WDR97: variants seen among roughly 807,000 people sequenced by gnomAD.
WDR97 encodes WD repeat domain 97.
A neutral mutation model predicts 65.4 loss-of-function variants in WDR97; 111 were observed. That is an observed-to-expected ratio of 1.70 (90% CI 1.45 to 1.99). WDR97 has a LOEUF of 1.99. Among genes scored for constraint, WDR97 ranks in the 30% most tolerant of loss-of-function variants. The pLI is 0.00. For missense variants in WDR97, 1,674 were observed against 865.0 expected (o/e 1.94, Z -11.73); for synonymous variants, 802 against 397.7 (o/e 2.02, Z -12.10).
intron 4 of WDR97, 34 bp downstream of exon 4, chr8:144,109,204 C>G (rs1836487297): frequency 1.4e-6 from 1 of 702,648 alleles, no homozygotes; most frequent in African/African-American, 1.7e-5. Flanking sequence ...GAGCCTCGGC[C>G]CTTTGCCTCC....
Position 144,108,291 on chromosome 8 carries a change from CG to C in WDR97, c.250-22del, listed in dbSNP as rs930735138. 4 of 690,690 alleles carry C rather than the reference CG, an allele frequency of 5.8e-6. No individual in the cohort carries two copies. The African/African-American group carries it at 7.1e-5, about 12-fold the overall frequency. 42.8% of individuals were successfully genotyped at this position (690,690 alleles called of 1,614,324 possible). ...CCGGAGTAGCCCCAACCTTTGATTG[CG>C]GGCCCGCCCACCCCGGCCCACAGGA... is the stretch of plus-strand genomic sequence containing the variant. On this transcript the variant is annotated intron_variant, in intron 2 of 23. Coordinates refer to ENST00000323662, the MANE Select transcript of WDR97 (RefSeq NM_001316309.2).
At chr8:144,113,562 G>A in intron 16 of WDR97, 45 bp downstream of exon 16, 1 of 686,450 alleles carries the variant, frequency 1.5e-6, no homozygotes, top group Non-Finnish European at 2.7e-6. Context: ...CCCAGAGAAA[G>A]CTCGAGGCAA....
At position 144,113,803 on chromosome 8, in the gene WDR97, C is replaced by T. The variant is rs905451530; in HGVS notation, c.3330C>T (p.Asp1110=). 3.4e-5 allele frequency: 24 copies of T among 702,730 alleles called. No homozygotes were observed. In the Middle Eastern group the frequency reaches 1.1e-3, roughly 34 times the overall value. 43.5% of individuals were successfully genotyped at this position (702,730 alleles called of 1,614,324 possible). ...DKKEEEEEKE[D]EELDWALASL... is the part of the protein sequence containing the mutation. ...AGGAAGAGGAGGAGGAGAAGGAAGACGAGGAGCTGGACTGGGCCTTGGCTT... is the reference window on the plus strand; with the variant it reads ...AGGAAGAGGAGGAGGAGAAGGAAGATGAGGAGCTGGACTGGGCCTTGGCTT... Residue 1110 remains aspartate (D), a synonymous_variant, in exon 17 of 24, where the codon GAC becomes GAT. Transcript: ENST00000323662.
rs1214464608 is a variant in WDR97, at chr8:144,115,383, C to T, written c.4120C>T (p.Arg1374Cys). The stretch of plus-strand genomic sequence containing the variant: ...GTCAGTGGTCTCTGGGGCACCCACA[C>T]GCGCCTCCGTGATACCCTCGGGCAC... ...QTSVVSGAPT[R>C]ASVIPSGTSW... Residue 1374 changes from arginine to cysteine, a missense_variant, in exon 22 of 24, where the codon CGC (arginine) becomes TGC (cysteine). Transcript: ENST00000323662. The T allele has an allele frequency of 6.4e-6, 4 of 621,376 alleles. No homozygotes were observed. Among genetic ancestry groups the T allele is most frequent in the African/African-American group, 3.7e-5 (2 of 54,656 alleles). 38.5% of individuals were successfully genotyped at this position (621,376 alleles called of 1,614,324 possible).
rs757992745 is a variant in WDR97, at chr8:144,112,088, C to T, written c.2839C>T (p.Arg947Ter). ...ALGQHFSQSP[R>*]VTVPIPPTHR... ...GGGCCAGCACTTCTCCCAGTCTCCCCGAGTCACAGTGCCGATCCCACCCAC... is the reference window on the plus strand; with the variant it reads ...GGGCCAGCACTTCTCCCAGTCTCCCTGAGTCACAGTGCCGATCCCACCCAC... Residue 947 changes from arginine to a stop codon, truncating the protein, a stop_gained, in exon 13 of 24, where the codon CGA becomes TGA. Transcript: ENST00000323662. LOFTEE classifies it high-confidence loss of function. 5.1e-5 allele frequency: 36 copies of T among 702,774 alleles called. No homozygotes were observed. The highest frequency in any genetic ancestry group is 2.4e-4 in the South Asian group (16 of 67,614). The allele number at this position is 702,774 out of a possible 1,614,324, so 43.5% of individuals were successfully genotyped here.
intron 14 of WDR97, 36 bp from the exon 15 acceptor site, chr8:144,112,411 G>A (rs1228744673): frequency 1.4e-6 from 1 of 702,590 alleles, no homozygotes; most frequent in Admixed American, 2.0e-5. Flanking sequence ...GGGTGCTAGG[G>A]GCTGTGTTGT....
rs1454661677 is a variant in WDR97 at position 144,110,141 on chromosome 8, C to A, written c.1728C>A (p.Asp576Glu). Residue 576 changes from aspartate (D) to glutamate (E), a missense_variant, in exon 6 of 24, where the codon GAC (aspartate) becomes GAA (glutamate). Physicochemically the swap from Asp to Glu is conservative, Grantham distance 45 (BLOSUM62 2). Transcript: ENST00000323662. Reference protein sequence around the residue: ...NRYLPVVGHTDGTLSVLEWLS... With the variant: ...NRYLPVVGHTEGTLSVLEWLS... ...ACCTGCCAGTGGTGGGGCACACGGA[C>A]GGCACGCTGTCGGTGCTGGAGTGGC... The A allele has an allele frequency of 1.4e-6, 1 of 702,644 alleles. No homozygotes were observed. Among genetic ancestry groups the A allele is most frequent in the Non-Finnish European group, 2.6e-6 (1 of 384,938 alleles). The allele number at this position is 702,644 out of a possible 1,614,324, so 43.5% of individuals were successfully genotyped here. A position where few individuals can be genotyped will look rare whatever the true frequency, so the allele number is the denominator to read the frequency against.
intron 15 of WDR97, 21 bp from the exon 16 acceptor site, chr8:144,113,419 C>G: frequency 1.4e-6 from 1 of 701,820 alleles, no homozygotes. Flanking sequence ...CCTCAGCATT[C>G]CCTGCTGTGC....
At chr8:144,115,183 G>A (rs1308330261) in intron 21 of WDR97, among the ~76,000 whole-genome samples, 158 bp from the exon 22 acceptor site, 1 of 152,254 alleles carries the variant, frequency 6.6e-6, no homozygotes, top group Non-Finnish European at 1.5e-5. Context: ...TCGGGCAGAA[G>A]GGAGTTTCAG....
In WDR97 at chr8:144,112,077, C is replaced by G; in HGVS notation, c.2828C>G (p.Ser943Cys). The G allele has an allele frequency of 1.4e-6, 1 of 702,906 alleles. No homozygotes were observed. Among genetic ancestry groups the G allele is most frequent in the Non-Finnish European group, 2.6e-6 (1 of 385,058 alleles). 43.5% of individuals were successfully genotyped at this position (702,906 alleles called of 1,614,324 possible). The change falls in exon 13 of 24, where the codon TCC becomes TGC. Residue 943 changes from serine to cysteine, a missense_variant. Ser to Cys is a moderately radical substitution (Grantham distance 112). Coordinates refer to ENST00000323662, the MANE Select transcript of WDR97 (RefSeq NM_001316309.2). ...QDLGALGQHF[S>C]QSPRVTVPIP... is the part of the protein sequence containing the mutation. ...CTGGGAGCCCTGGGCCAGCACTTCT[C>G]CCAGTCTCCCCGAGTCACAGTGCCG...
chr8:144,112,224 C>G lies in WDR97; in HGVS notation c.2896C>G (p.Leu966Val). The change falls in exon 14 of 24, where the codon CTT (leucine) becomes GTT (valine). Residue 966 changes from leucine (L) to valine (V), a missense_variant and splice_region_variant. Physicochemically the swap from Leu to Val is conservative, Grantham distance 32. Transcript: ENST00000323662. ...HRRVHSKASQLLARSSLSHYL... is the reference protein window; with the variant it reads ...HRRVHSKASQVLARSSLSHYL... Reference sequence around the variant, plus strand: ...CCCTGTGACTCCTCCTATGCCCCAGCTTCTGGCCCGCTCCTCACTGAGCCA... The same window carrying G: ...CCCTGTGACTCCTCCTATGCCCCAGGTTCTGGCCCGCTCCTCACTGAGCCA... 1 of 702,626 alleles carries G rather than the reference C, an allele frequency of 1.4e-6. No individual in the cohort carries two copies. Among genetic ancestry groups the G allele is most frequent in the African/African-American group, 1.7e-5 (1 of 57,368 alleles). The allele number at this position is 702,626 out of a possible 1,614,324, so 43.5% of individuals were successfully genotyped here. A position where few individuals can be genotyped will look rare whatever the true frequency, so the allele number is the denominator to read the frequency against.
At chr8:144,111,509 C>T (rs1055394648) in intron 11 of WDR97, 23 bp downstream of exon 11, 11 of 701,028 alleles carry the variant, frequency 1.6e-5, no homozygotes, top group East Asian at 5.4e-5. Context: ...CTCCTTAGCC[C>T]GCCCTGCCCC....
At position 144,112,120 on chromosome 8, in the gene WDR97, T is replaced by C. The variant is rs1349467053; in HGVS notation, c.2871T>C (p.Arg957=). ...CAGTGCCGATCCCACCCACCCACCG[T>C]AGGGTGCACAGCAAGGCATCCCAGG... ...RVTVPIPPTH[R]RVHSKASQLL... is the part of the protein sequence containing the mutation. The change falls in exon 13 of 24, where the codon CGT becomes CGC. Residue 957 remains arginine, a synonymous_variant. Transcript: ENST00000323662. The C allele has an allele frequency of 5.7e-6, 4 of 702,414 alleles. No homozygotes were observed. In the South Asian group the frequency reaches 5.9e-5, roughly 10 times the overall value. The allele number at this position is 702,414 out of a possible 1,614,324, so 43.5% of individuals were successfully genotyped here.
chr8:144,108,432 C>T lies in WDR97; in HGVS notation c.366C>T (p.Phe122=), dbSNP rs1396035481. 5 of 699,546 alleles carry T rather than the reference C, an allele frequency of 7.1e-6. No individual in the cohort carries two copies. Among genetic ancestry groups the T allele is most frequent in the Middle Eastern group, 5.4e-4 (2 of 3,716 alleles). 43.3% of individuals were successfully genotyped at this position (699,546 alleles called of 1,614,324 possible). Reference sequence around the variant, plus strand: ...CGCAGGACCCGGTGGGTGGACGCTTCGTGGTGCTGGACGGCGCGGGCCGCC... The same window carrying T: ...CGCAGGACCCGGTGGGTGGACGCTTTGTGGTGCTGGACGGCGCGGGCCGCC... ...SVAQDPVGGR[F]VVLDGAGRLH... Residue 122 remains phenylalanine (F), a synonymous_variant, in exon 3 of 24, where the codon TTC becomes TTT. Transcript: ENST00000323662.
chr8:144,113,352 G>A, intron 15 of WDR97, 88 bp from the exon 16 acceptor site: 1 of 689,516 alleles, frequency 1.5e-6, no homozygotes, highest in Admixed American at 2.1e-5. Flanking sequence ...GCGGCTGAGG[G>A]GCTCTGAGAG....
Position 144,108,951 on chromosome 8 carries a change from G to A in WDR97, c.878+7G>A, listed in dbSNP as rs1288947318. ...GCCGGGATTTGCACAAAACGTGAGG[G>A]GGATCCCCCTAGGGAGGGCCAGGCA... On this transcript the variant is annotated splice_region_variant and intron_variant, in intron 3 of 23. Coordinates refer to ENST00000323662, the MANE Select transcript of WDR97 (RefSeq NM_001316309.2). 1.4e-5 allele frequency: 10 copies of A among 702,910 alleles called. No individual in the cohort carries two copies. In the East Asian group the frequency reaches 1.9e-4, roughly 13 times the overall value. The allele number at this position is 702,910 out of a possible 1,614,324, so 43.5% of individuals were successfully genotyped here.
Position 144,108,145 on chromosome 8 carries a change from C to T in WDR97, c.199C>T (p.Arg67Cys), listed in dbSNP as rs936963344. 1.1e-4 allele frequency: 74 copies of T among 702,454 alleles called. No individual in the cohort carries two copies. The highest frequency in any genetic ancestry group is 2.6e-4 in the African/African-American group (15 of 57,402). 43.5% of individuals were successfully genotyped at this position (702,454 alleles called of 1,614,324 possible). Reference protein sequence around the residue: ...WQSLTPRARARRLWLLLRTSL... With the variant: ...WQSLTPRARACRLWLLLRTSL... ...AAGCCTGACCCCGCGCGCCCGCGCC[C>T]GCCGGCTGTGGCTGCTTCTGCGCAC... is the stretch of plus-strand genomic sequence containing the variant. Residue 67 changes from arginine (R) to cysteine (C), a missense_variant, in exon 2 of 24, where the codon CGC becomes TGC. Coordinates refer to ENST00000323662, the MANE Select transcript of WDR97 (RefSeq NM_001316309.2).
At position 144,115,675 on chromosome 8, in the gene WDR97, C is replaced by A; in HGVS notation, c.4412C>A (p.Thr1471Asn). The change falls in exon 22 of 24, where the codon ACC (threonine) becomes AAC (asparagine). Residue 1471 changes from threonine (T) to asparagine (N), a missense_variant. Transcript: ENST00000323662. Reference sequence around the variant, plus strand: ...GGAGAGCCGCCGCCGCTGGAGGAGACCGACTGGTCGCACTCGCAGCTGCTG... The same window carrying A: ...GGAGAGCCGCCGCCGCTGGAGGAGAACGACTGGTCGCACTCGCAGCTGCTG... ...LPGEPPPLEE[T>N]DWSHSQLLDL... 1.4e-6 allele frequency: 1 copy of A among 699,128 alleles called. No homozygotes were observed. Among genetic ancestry groups the A allele is most frequent in the Non-Finnish European group, 2.6e-6 (1 of 383,180 alleles). The allele number at this position is 699,128 out of a possible 1,614,324, so 43.3% of individuals were successfully genotyped here.
Position 144,111,798 on chromosome 8 carries a change from C to T in WDR97, c.2637+17C>T, listed in dbSNP as rs1203767771. The T allele has an allele frequency of 1.5e-5, 10 of 689,366 alleles. No homozygotes were observed. The South Asian group carries it at 1.5e-4, about 10-fold the overall frequency. 42.7% of individuals were successfully genotyped at this position (689,366 alleles called of 1,614,324 possible). ...GGCCTGCTGGTAGGTGTAGGGCCTC[C>T]CCCAGCCCAGCCCTGACCCTGGCCC... On this transcript the variant is annotated intron_variant, in intron 12 of 23. Transcript: ENST00000323662.
Sources: gnomAD v4.1 joint callset for allele counts (sites outside exome capture counted in the v4.1 genomes callset) on GRCh38, gnomAD v4.1.1 for gene constraint, MANE v1.5 for transcripts, NCBI Gene and HGNC (gene_info 2026-07-23, HGNC 2026-07-21) for gene names.